SHISA9: variants seen among roughly 807,000 people sequenced by gnomAD.
SHISA9 encodes the protein shisa family member 9, also known as protein shisa-9.
SHISA9 carries 13 observed loss-of-function variants against 38.0 expected under a neutral mutation model. The ratio of observed to expected loss-of-function variants is 0.34; its 90% CI spans 0.22 to 0.54. The LOEUF is 0.54. Among genes scored for constraint, SHISA9 ranks in the 20% least tolerant of loss-of-function variants. The pLI, the probability that SHISA9 is intolerant of heterozygous loss-of-function variation, is 0.91. For missense variants in SHISA9, 538 were observed against 575.8 expected (o/e 0.93, Z 0.67); for synonymous variants, 275 against 242.0 (o/e 1.14, Z -1.27).
chr16:13,027,280 A>C (rs1037496339), intron 2 of SHISA9, among the ~76,000 whole-genome samples: 1 of 152,300 alleles, frequency 6.6e-6, no homozygotes, highest in African/African-American at 2.4e-5. Flanking sequence ...AACCATCTCA[A>C]ACTTCCTTAA....
chr16:13,082,004 T>G (rs568650091), intron 2 of SHISA9, among the ~76,000 whole-genome samples: 1 of 152,290 alleles, frequency 6.6e-6, no homozygotes, highest in East Asian at 1.9e-4. Context: ...CTGCACTAAT[T>G]ATCTTTTCAA....
intron 2 of SHISA9, among the ~76,000 whole-genome samples, chr16:13,128,444 C>G (rs1476243023): frequency 6.6e-6 from 1 of 152,062 alleles, no homozygotes; most frequent in African/African-American, 2.4e-5. Context: ...GCTCCATTGG[C>G]TCGGTGGCCT....
chr16:13,080,433 G>A (rs751294626), intron 2 of SHISA9, among the ~76,000 whole-genome samples: 1 of 152,164 alleles, frequency 6.6e-6, no homozygotes, highest in Non-Finnish European at 1.5e-5. Context: ...TTTTATCTTA[G>A]CCTAGTTTCA....
At chr16:13,371,998 C>T in the SHISA9 span, among the ~76,000 whole-genome samples, 1 of 152,242 alleles carries the variant, frequency 6.6e-6, no homozygotes, top group Non-Finnish European at 1.5e-5. Context: ...GTAAAGCTTA[C>T]CTGTTCTCTG....
chr16:13,253,107 C>G, the SHISA9 span, among the ~76,000 whole-genome samples: 1 of 152,176 alleles, frequency 6.6e-6, no homozygotes, highest in African/African-American at 2.4e-5. Flanking sequence ...TTTATTTTCT[C>G]TAGCTTACTT....
the SHISA9 span, among the ~76,000 whole-genome samples, chr16:13,295,859 G>A: frequency 1.3e-5 from 2 of 152,142 alleles, no homozygotes; most frequent in African/African-American, 4.8e-5. Context: ...AAAGGAAGGA[G>A]CATTGATTCA....
the SHISA9 span, among the ~76,000 whole-genome samples, chr16:13,452,558 C>T: frequency 6.6e-6 from 1 of 152,172 alleles, no homozygotes; most frequent in Non-Finnish European, 1.5e-5. Flanking sequence ...AAAAGTCTCC[C>T]AACTTACAGA....
chr16:13,050,955 T>G (rs1313079208), intron 2 of SHISA9, among the ~76,000 whole-genome samples: 1 of 152,228 alleles, frequency 6.6e-6, no homozygotes, highest in Non-Finnish European at 1.5e-5. Context: ...GAGTTCTGTT[T>G]TTACCAGTTC....
the SHISA9 span, among the ~76,000 whole-genome samples, chr16:13,415,591 T>G: frequency 7.9e-5 from 12 of 152,150 alleles, no homozygotes; most frequent in Non-Finnish European, 8.8e-5. Flanking sequence ...ACTTAAAGGT[T>G]AAATACGAAT....
the SHISA9 span, among the ~76,000 whole-genome samples, chr16:13,388,935 A>G: frequency 1.3e-5 from 2 of 152,164 alleles, no homozygotes; most frequent in East Asian, 3.9e-4. Context: ...TATTTTTTGG[A>G]GTAGTTAGGG....
chr16:12,914,108 C>T (rs56208563), intron 1 of SHISA9, among the ~76,000 whole-genome samples: 41,744 of 145,618 alleles, frequency 0.29, 6,362 homozygotes, highest in Non-Finnish European at 0.31. Flanking sequence ...TGCAATGGCG[C>T]GATCTCGGCT....
chr16:13,113,460 A>G (rs1274508358), intron 2 of SHISA9, among the ~76,000 whole-genome samples: 3 of 152,154 alleles, frequency 2.0e-5, no homozygotes, highest in Non-Finnish European at 4.4e-5. Flanking sequence ...CTTGATCTGT[A>G]TATCCCGTGA....
At chr16:13,533,482 T>C in the SHISA9 span, among the ~76,000 whole-genome samples, 1 of 152,146 alleles carries the variant, frequency 6.6e-6, no homozygotes, top group Non-Finnish European at 1.5e-5. Context: ...CTTGGTGTCT[T>C]CTCTCCCAAC....
chr16:13,490,463 G>C, the SHISA9 span, among the ~76,000 whole-genome samples: 1 of 152,188 alleles, frequency 6.6e-6, no homozygotes, highest in African/African-American at 2.4e-5. Flanking sequence ...TCCTTGGGAG[G>C]ATGAGGTGGG....
chr16:13,530,587 T>C, the SHISA9 span, among the ~76,000 whole-genome samples: 62 of 152,280 alleles, frequency 4.1e-4, no homozygotes, highest in African/African-American at 1.4e-3. Flanking sequence ...TAAGAGCTAA[T>C]CATTTTTTTG....
At chr16:12,955,740 A>G (rs566006343) in intron 2 of SHISA9, among the ~76,000 whole-genome samples, 2 of 152,210 alleles carry the variant, frequency 1.3e-5, no homozygotes, top group East Asian at 1.9e-4. Context: ...AACTCTCACC[A>G]TATGCAAAAA....
At chr16:13,366,268 C>A in the SHISA9 span, among the ~76,000 whole-genome samples, 1 of 152,182 alleles carries the variant, frequency 6.6e-6, no homozygotes, top group South Asian at 2.1e-4. Flanking sequence ...AGGCTTTGGT[C>A]TACTCATTTT....
chr16:13,146,844 A>G (rs1425828557), intron 2 of SHISA9, among the ~76,000 whole-genome samples: 2 of 152,180 alleles, frequency 1.3e-5, no homozygotes, highest in African/African-American at 4.8e-5. Context: ...TCTTCCCTCC[A>G]GTTTCAGATA....
intron 2 of SHISA9, among the ~76,000 whole-genome samples, chr16:13,092,630 G>T (rs2073786729): frequency 6.6e-6 from 1 of 152,252 alleles, no homozygotes; most frequent in Non-Finnish European, 1.5e-5. Flanking sequence ...TGCCAAGCCA[G>T]GCACAGGAGA....
Sources: gnomAD v4.1 joint callset for allele counts (sites outside exome capture counted in the v4.1 genomes callset) on GRCh38, gnomAD v4.1.1 for gene constraint, MANE v1.5 for transcripts, NCBI Gene and HGNC (gene_info 2026-07-23, HGNC 2026-07-21) for gene names.